The following CASK variants were observed in gnomAD, a reference collection of about 807,000 sequenced individuals.
The protein encoded by CASK is peripheral plasma membrane protein CASK.
Under a neutral mutation model 82.9 loss-of-function variants are expected in CASK, and 4 were observed. The observed-to-expected ratio is 0.05, with a 90% CI of 0.02 to 0.11. The LOEUF (loss-of-function observed/expected upper bound fraction) is 0.11. Ranked by LOEUF, CASK falls within the 10% of genes least tolerant of loss-of-function variation. The pLI is 1.00. For synonymous variants in CASK, 259 were observed against 253.5 expected, an observed-to-expected ratio of 1.02 and a Z score of -0.20; for missense variants, 358 against 720.9, an observed-to-expected ratio of 0.50 and a Z score of 5.76.
intron 5 of CASK, among the ~76,000 whole-genome samples, chrX:41,716,670 A>G (rs2068067292): frequency 8.9e-6 from 1 of 112,028 alleles, no homozygotes; most frequent in Non-Finnish European, 1.9e-5. Context: ...AACTGTAACT[A>G]TGTTTTTAAA....
intron 3 of CASK, among the ~76,000 whole-genome samples, chrX:41,752,114 A>C (rs1162320500): frequency 3.6e-5 from 4 of 109,958 alleles, no homozygotes; most frequent in African/African-American, 1.3e-4. Flanking sequence ...TGGAGATAAA[A>C]GCTCAGTCTA....
intron 1 of CASK, among the ~76,000 whole-genome samples, chrX:41,887,907 T>G (rs1202072807): frequency 9.0e-6 from 1 of 111,493 alleles, no homozygotes; most frequent in Non-Finnish European, 1.9e-5. Flanking sequence ...TCATCTATAG[T>G]CATACTCTTC....
At chrX:41,898,693 T>C (rs2072315213) in intron 1 of CASK, among the ~76,000 whole-genome samples, 1 of 112,214 alleles carries the variant, frequency 8.9e-6, no homozygotes, top group Admixed American at 9.4e-5. Context: ...TTTGATCCAC[T>C]GGTTGTTCAG....
intron 11 of CASK, among the ~76,000 whole-genome samples, chrX:41,612,928 G>A (rs1383943289): frequency 9.7e-6 from 1 of 103,191 alleles, no homozygotes; most frequent in Non-Finnish European, 2.0e-5. Flanking sequence ...CGGGAGGTGA[G>A]GGGCGCCTCT....
intron 3 of CASK, among the ~76,000 whole-genome samples, chrX:41,766,264 A>G (rs1484560095): frequency 1.8e-5 from 2 of 112,150 alleles, no homozygotes; most frequent in Non-Finnish European, 3.8e-5. Context: ...CCTAATCTGC[A>G]TTCAATAGTC....
chrX:41,884,892 G>A (rs2072020423), intron 1 of CASK, among the ~76,000 whole-genome samples: 2 of 111,625 alleles, frequency 1.8e-5, no homozygotes, highest in South Asian at 7.4e-4. Context: ...ACCCTGGAAT[G>A]TTTAATTCTC....
At chrX:41,836,119 C>T (rs1005434507) in intron 2 of CASK, among the ~76,000 whole-genome samples, 1 of 111,139 alleles carries the variant, frequency 9.0e-6, no homozygotes, top group African/African-American at 3.3e-5. Context: ...CTAAGGTCTA[C>T]AGATAGAACT....
intron 1 of CASK, among the ~76,000 whole-genome samples, chrX:41,873,950 C>T (rs1051925851): frequency 3.7e-5 from 4 of 109,292 alleles, no homozygotes; most frequent in Non-Finnish European, 7.6e-5. Flanking sequence ...ACCACCACGC[C>T]CAGCTAATTT....
chrX:41,707,361 CG>C (rs1022268750), intron 5 of CASK, among the ~76,000 whole-genome samples: 1 of 111,997 alleles, frequency 8.9e-6, no homozygotes, highest in African/African-American at 3.2e-5. Flanking sequence ...GCTCCAGACA[CG>C]TGAGTGAGGC....
At chrX:41,789,951 A>G (rs1182211772) in intron 2 of CASK, among the ~76,000 whole-genome samples, 1 of 110,318 alleles carries the variant, frequency 9.1e-6, no homozygotes, top group Non-Finnish European at 1.9e-5. Context: ...CTTTTTTGAG[A>G]CAGAGTCTTG....
intron 10 of CASK, 54 bp downstream of exon 10, chrX:41,626,550 T>A: frequency 1.4e-6 from 1 of 728,896 alleles, no homozygotes; most frequent in South Asian, 2.2e-5. Flanking sequence ...TGGGAGAGAA[T>A]GGATGTAAAT....
intron 1 of CASK, among the ~76,000 whole-genome samples, chrX:41,892,541 G>A (rs191790065): frequency 9.0e-6 from 1 of 110,560 alleles, no homozygotes; most frequent in East Asian, 2.9e-4. Context: ...TGCCATGTTG[G>A]CCAGGATGGT....
chrX:41,654,946 C>T (rs1014849074), intron 8 of CASK, among the ~76,000 whole-genome samples: 1 of 107,907 alleles, frequency 9.3e-6, no homozygotes, highest in Admixed American at 1.0e-4. Context: ...ACAAAAGGGG[C>T]AAGGTCCCTT....
chrX:41,538,231 AG>A (rs1189493024), intron 22 of CASK, among the ~76,000 whole-genome samples: 5 of 112,072 alleles, frequency 4.5e-5, no homozygotes, highest in Non-Finnish European at 9.4e-5. Flanking sequence ...CAGAAAAAAA[AG>A]AATAGCTTTT....
intron 5 of CASK, among the ~76,000 whole-genome samples, chrX:41,732,904 T>G (rs943575735): frequency 9.1e-6 from 1 of 110,088 alleles, no homozygotes. Flanking sequence ...CTAATTTTTA[T>G]TTTTTGATAG....
chrX:41,823,604 C>T (rs1254244728), intron 2 of CASK, among the ~76,000 whole-genome samples: 1 of 111,539 alleles, frequency 9.0e-6, no homozygotes, highest in Non-Finnish European at 1.9e-5. Flanking sequence ...TTCCATGTTG[C>T]CAAATTCCAT....
Position 41,648,530 on chromosome X carries a change from T to C in CASK, c.832-11869A>G, listed in dbSNP as rs183558739. On this transcript the variant is annotated intron_variant, in intron 8 of 26. Coordinates refer to ENST00000378163, the MANE Select transcript of CASK (RefSeq NM_001367721.1). ...CCTAATAAAAACTTGCTAGTTTTTG[T>C]GGCTCGAAAGGCATCACAGATCCTA... 4.6e-4 allele frequency among the ~76,000 whole-genome samples: 51 copies of C among 111,374 alleles called. 1 individual carries two copies. Among genetic ancestry groups the C allele is most frequent in the Non-Finnish European group, 8.3e-4 (44 of 53,067 alleles).
intron 1 of CASK, among the ~76,000 whole-genome samples, chrX:41,917,064 C>G (rs2072705829): frequency 8.9e-6 from 1 of 111,831 alleles, no homozygotes; most frequent in South Asian, 3.7e-4. Flanking sequence ...GAAATTTAAC[C>G]AGAAAGTCAA....
intron 2 of CASK, among the ~76,000 whole-genome samples, chrX:41,826,323 ATATTCTTAGACATTAATCAATGGTGTGT>A (rs1052023630): frequency 1.3e-4 from 15 of 111,846 alleles, no homozygotes; most frequent in Non-Finnish European, 2.3e-4. Context: ...TTTCCTCAAT[ATATTCTTAGACATTAATCAATGGTGTGT>A]TATCACTGCG....
Sources: gnomAD v4.1 joint callset for allele counts (sites outside exome capture counted in the v4.1 genomes callset) on GRCh38, gnomAD v4.1.1 for gene constraint, MANE v1.5 for transcripts, NCBI Gene and HGNC (gene_info 2026-07-23, HGNC 2026-07-21) for gene names.